Variants in SLC37A1 observed in about 807,000 individuals in gnomAD.
SLC37A1 encodes the protein glucose-6-phosphate exchanger SLC37A1.
SLC37A1 carries 49 observed loss-of-function variants against 75.3 expected under a neutral mutation model. The ratio of observed to expected loss-of-function variants is 0.65; its 90% CI spans 0.52 to 0.83. The LOEUF (loss-of-function observed/expected upper bound fraction) is 0.83. Ranked by LOEUF, SLC37A1 falls within the 40% of genes least tolerant of loss-of-function variation. The pLI is 0.00. For synonymous variants in SLC37A1, 268 were observed against 292.1 expected (o/e 0.92, Z 0.84); for missense variants, 566 against 695.0 (o/e 0.81, Z 2.09).
intron 15 of SLC37A1, 94 bp from the exon 16 acceptor site, chr21:42,566,891 C>T (rs1235932805): frequency 7.7e-7 from 1 of 1,290,374 alleles, no homozygotes; most frequent in African/African-American, 1.5e-5. Flanking sequence ...CATCCCCTCC[C>T]TGTGCTCCCC....
At chr21:42,541,566 G>T (rs184695437) in intron 6 of SLC37A1, among the ~76,000 whole-genome samples, 24 of 152,330 alleles carry the variant, frequency 1.6e-4, no homozygotes, top group African/African-American at 5.8e-4. Flanking sequence ...CTTCAAAAGT[G>T]CAGAGATACT....
At chr21:42,526,935 T>C (rs571837637) in intron 3 of SLC37A1, among the ~76,000 whole-genome samples, 2 of 152,354 alleles carry the variant, frequency 1.3e-5, no homozygotes, top group East Asian at 3.9e-4. Context: ...CCAGTCATTA[T>C]AAATCTGAAT....
chr21:42,566,914 C>A, intron 15 of SLC37A1, 71 bp from the exon 16 acceptor site: 2 of 1,514,326 alleles, frequency 1.3e-6, no homozygotes, highest in Non-Finnish European at 1.8e-6. Flanking sequence ...GCGCCCACCT[C>A]AGGCTGCTCC....
chr21:42,556,068 A>G (rs1316898378), intron 10 of SLC37A1, among the ~76,000 whole-genome samples: 1 of 152,206 alleles, frequency 6.6e-6, no homozygotes. Context: ...TATGTCACGT[A>G]GCAGGCAGTT....
chr21:42,523,648 G>A (rs151333252), intron 2 of SLC37A1, among the ~76,000 whole-genome samples: 7 of 152,360 alleles, frequency 4.6e-5, no homozygotes, highest in South Asian at 4.1e-4. Flanking sequence ...TGATAGGCTC[G>A]CCTTTTAGGG....
intron 10 of SLC37A1, among the ~76,000 whole-genome samples, chr21:42,557,929 C>T (rs1420590992): frequency 6.6e-6 from 1 of 152,186 alleles, no homozygotes; most frequent in African/African-American, 2.4e-5. Context: ...TCATAGCTCA[C>T]TCATGAAGAA....
chr21:42,540,962 C>A (rs1172740411), intron 6 of SLC37A1, among the ~76,000 whole-genome samples: 4 of 152,198 alleles, frequency 2.6e-5, no homozygotes, highest in Non-Finnish European at 5.9e-5. Flanking sequence ...ACAGTTAGAC[C>A]AGCGGCTCCC....
chr21:42,538,856 C>T (rs935416156), intron 5 of SLC37A1, among the ~76,000 whole-genome samples: 2 of 152,232 alleles, frequency 1.3e-5, no homozygotes, highest in East Asian at 3.8e-4. Flanking sequence ...GAAGATAAGA[C>T]ACCAAAGAGG....
intron 3 of SLC37A1, among the ~76,000 whole-genome samples, chr21:42,532,181 G>T (rs2055002643): frequency 6.6e-6 from 1 of 152,102 alleles, no homozygotes; most frequent in Non-Finnish European, 1.5e-5. Flanking sequence ...CAGGATGTGA[G>T]ACCCCCACTC....
At chr21:42,508,100 T>C (rs1180849677) in intron 2 of SLC37A1, among the ~76,000 whole-genome samples, 1 of 150,304 alleles carries the variant, frequency 6.7e-6, no homozygotes, top group East Asian at 1.9e-4. Flanking sequence ...TACCAAACTA[T>C]AACTGGACTG....
At chr21:42,570,023 T>C (rs1032942122) in intron 17 of SLC37A1, among the ~76,000 whole-genome samples, 2 of 150,790 alleles carry the variant, frequency 1.3e-5, no homozygotes, top group African/African-American at 4.9e-5. Flanking sequence ...GCCGTTGCCA[T>C]GTGACACACG....
At chr21:42,542,558 A>G (rs1416966076) in intron 7 of SLC37A1, 78 bp downstream of exon 7, 1 of 1,355,804 alleles carries the variant, frequency 7.4e-7, no homozygotes, top group African/African-American at 1.4e-5. Context: ...TAGACTGATT[A>G]CAGCAAAAAC....
At chr21:42,571,467 T>C (rs991565067) in intron 17 of SLC37A1, among the ~76,000 whole-genome samples, 3 of 152,350 alleles carry the variant, frequency 2.0e-5, no homozygotes, top group South Asian at 2.1e-4. Flanking sequence ...TAAAACATAA[T>C]GTACCTTAGA....
At chr21:42,540,702 G>A (rs1024901844) in intron 6 of SLC37A1, among the ~76,000 whole-genome samples, 8 of 152,122 alleles carry the variant, frequency 5.3e-5, no homozygotes, top group Non-Finnish European at 1.2e-4. Context: ...TGCTCATCTC[G>A]GGCTTTGTGA....
intron 10 of SLC37A1, among the ~76,000 whole-genome samples, chr21:42,557,085 T>C (rs2146957583): frequency 6.6e-6 from 1 of 152,338 alleles, no homozygotes; most frequent in East Asian, 1.9e-4. Context: ...TGAGGCCAAG[T>C]AGGTCTTCTG....
rs2054562979 is a variant in SLC37A1 at position 42,518,342 on chromosome 21, C to A, written c.-113C>A. ...CAGGACACCTTCTTTCCACGCTTTC[C>A]AGCCTGTGGGAGCGGCAGGGGCAAC... On this transcript the variant is annotated 5_prime_UTR_variant, in exon 2 of 20. Transcript: ENST00000352133. 7.2e-7 allele frequency: 1 copy of A among 1,381,392 alleles called. No homozygotes were observed. The allele number at this position is 1,381,392 out of a possible 1,614,324, so 85.6% of individuals were successfully genotyped here.
intron 9 of SLC37A1, among the ~76,000 whole-genome samples, chr21:42,550,624 G>A (rs2055533104): frequency 6.6e-6 from 1 of 152,072 alleles, no homozygotes; most frequent in Admixed American, 6.6e-5. Flanking sequence ...AATAACAAAA[G>A]ACTAAAACCT....
chr21:42,527,486 A>G (rs1217969250), intron 3 of SLC37A1, among the ~76,000 whole-genome samples: 2 of 152,226 alleles, frequency 1.3e-5, no homozygotes, highest in African/African-American at 2.4e-5. Context: ...CTCTTAGTTC[A>G]GTGTCATAAG....
At position 42,574,857 on chromosome 21, in the gene SLC37A1, C is replaced by G; in HGVS notation, c.1463C>G (p.Pro488Arg). 1 of 1,614,160 alleles carries G rather than the reference C, an allele frequency of 6.2e-7. No individual in the cohort carries two copies. Among genetic ancestry groups the G allele is most frequent in the Non-Finnish European group, 8.5e-7 (1 of 1,180,022 alleles). ...LGPLLAGLLSPSGWSNVFYML... is the reference protein window; with the variant it reads ...LGPLLAGLLSRSGWSNVFYML... ...CCCCTGCTGGCTGGGCTCCTCTCCCCGTCCGGCTGGAGCAATGTGTTTTAC... is the reference window on the plus strand; with the variant it reads ...CCCCTGCTGGCTGGGCTCCTCTCCCGGTCCGGCTGGAGCAATGTGTTTTAC... The change falls in exon 18 of 20, where the codon CCG becomes CGG. Residue 488 changes from proline (P) to arginine (R), a missense_variant. Pro to Arg is a moderately radical substitution (Grantham distance 103). Coordinates refer to ENST00000352133, the MANE Select transcript of SLC37A1 (RefSeq NM_001320537.2).
Sources: allele counts gnomAD v4.1 joint callset (sites outside exome capture counted in the v4.1 genomes callset), GRCh38; gene constraint gnomAD v4.1.1; transcripts MANE v1.5; gene names NCBI Gene and HGNC (gene_info 2026-07-23, HGNC 2026-07-21).